KHDRBS2: variants seen among roughly 807,000 people sequenced by gnomAD.
The protein encoded by KHDRBS2 is KH domain-containing, RNA-binding, signal transduction-associated protein 2.
In KHDRBS2, 26 loss-of-function variants were observed where a neutral mutation model predicts 44.3. That is an observed-to-expected ratio of 0.59 (90% CI 0.43 to 0.81). KHDRBS2 has a LOEUF of 0.81. Among genes scored for constraint, KHDRBS2 ranks in the 40% least tolerant of loss-of-function variants. The pLI is 0.00. For missense variants in KHDRBS2, 476 were observed against 433.1 expected, an observed-to-expected ratio of 1.10 and a Z score of -0.88; for synonymous variants, 194 against 151.1, an observed-to-expected ratio of 1.28 and a Z score of -2.08.
At chr6:62,043,584 A>G (rs1026464325) in intron 3 of KHDRBS2, among the ~76,000 whole-genome samples, 12 of 152,050 alleles carry the variant, frequency 7.9e-5, no homozygotes, top group African/African-American at 2.7e-4. Flanking sequence ...AATCATGACT[A>G]TATGGTAGGA....
At chr6:62,109,878 A>T in intron 2 of KHDRBS2, among the ~76,000 whole-genome samples, 1 of 151,902 alleles carries the variant, frequency 6.6e-6, no homozygotes, top group East Asian at 1.9e-4. Flanking sequence ...AAAATTAACT[A>T]AAAATAGATT....
At chr6:62,225,284 G>C (rs1221192998) in intron 1 of KHDRBS2, among the ~76,000 whole-genome samples, 1 of 152,006 alleles carries the variant, frequency 6.6e-6, no homozygotes, top group Non-Finnish European at 1.5e-5. Flanking sequence ...CTTTCTGTCA[G>C]GTTTTCTAGA....
chr6:62,177,884 T>C (rs979378444), intron 1 of KHDRBS2, among the ~76,000 whole-genome samples: 1 of 151,394 alleles, frequency 6.6e-6, no homozygotes, highest in Admixed American at 6.6e-5. Context: ...AATAAGACAT[T>C]ATATAGGTGT....
intron 1 of KHDRBS2, among the ~76,000 whole-genome samples, chr6:62,274,201 G>A (rs950709551): frequency 6.6e-6 from 1 of 151,874 alleles, no homozygotes; most frequent in Non-Finnish European, 1.5e-5. Context: ...CCCTAGATCT[G>A]TCTACTTTTC....
At chr6:62,269,130 G>A (rs1839673846) in intron 1 of KHDRBS2, among the ~76,000 whole-genome samples, 1 of 151,930 alleles carries the variant, frequency 6.6e-6, no homozygotes, top group Non-Finnish European at 1.5e-5. Context: ...ATACTTAAAA[G>A]CTAAAACCAT....
At chr6:61,612,370 G>C in the KHDRBS2 span, among the ~76,000 whole-genome samples, 6 of 152,122 alleles carry the variant, frequency 3.9e-5, no homozygotes, top group Non-Finnish European at 8.8e-5. Context: ...CAATCTTTTT[G>C]GAAGGGAAAG....
rs113163864 is a variant in KHDRBS2, at chr6:62,226,118, C to T, written c.92-48806G>A. Reference sequence around the variant, plus strand: ...GATCATTGAGGAATTTCCACAATGTCTTCCACAATGGTTGAACTAATTTAC... The same window carrying T: ...GATCATTGAGGAATTTCCACAATGTTTTCCACAATGGTTGAACTAATTTAC... On this transcript the variant is annotated intron_variant, in intron 1 of 8. Transcript: ENST00000281156. Among the ~76,000 whole-genome samples the T allele has an allele frequency of 2.2e-3, 330 of 152,286 alleles. 2 individuals are homozygous for T. The highest frequency in any genetic ancestry group is 7.4e-3 in the African/African-American group (307 of 41,550).
intron 3 of KHDRBS2, among the ~76,000 whole-genome samples, chr6:62,045,816 G>T (rs962041954): frequency 4.0e-5 from 6 of 151,548 alleles, no homozygotes; most frequent in African/African-American, 1.2e-4. Context: ...AATTTACCAA[G>T]GATTTATCTT....
the KHDRBS2 span, among the ~76,000 whole-genome samples, chr6:61,643,372 G>A: frequency 6.6e-6 from 1 of 152,048 alleles, no homozygotes; most frequent in Non-Finnish European, 1.5e-5. Context: ...ATGGGCAAAA[G>A]CTGGAAGCAT....
Position 62,072,168 on chromosome 6 carries a change from T to C in KHDRBS2, c.220-24174A>G, listed in dbSNP as rs1475507701. ...GTCTGTTATTGGTGTATAAGAGTGC[T>C]TGTGATTTTTGCACATTGATTTTGT... On this transcript the variant is annotated intron_variant, in intron 2 of 8. Transcript: ENST00000281156. Among the ~76,000 whole-genome samples, 4 of 152,182 alleles carry C rather than the reference T, an allele frequency of 2.6e-5. No homozygotes were observed. The East Asian group carries it at 5.8e-4, about 22-fold the overall frequency.
the KHDRBS2 span, among the ~76,000 whole-genome samples, chr6:61,671,861 TTATACC>T: frequency 2.6e-5 from 4 of 151,938 alleles, no homozygotes; most frequent in Non-Finnish European, 5.9e-5. Context: ...TTTATGATTA[TTATACC>T]TTAAGTTTTA....
intron 1 of KHDRBS2, among the ~76,000 whole-genome samples, chr6:62,213,873 C>CAAA (rs67482871): frequency 4.0e-3 from 166 of 41,538 alleles, no homozygotes; most frequent in East Asian, 5.3e-3. Flanking sequence ...GACTCCATCT[C>CAAA]AAAAAAAAAA....
At chr6:61,815,667 A>C in intron 6 of KHDRBS2, among the ~76,000 whole-genome samples, 1 of 152,156 alleles carries the variant, frequency 6.6e-6, no homozygotes. Flanking sequence ...TCTATCCCTG[A>C]AGTAATTATT....
chr6:61,566,784 C>T, the KHDRBS2 span, among the ~76,000 whole-genome samples: 2 of 152,054 alleles, frequency 1.3e-5, no homozygotes, highest in African/African-American at 2.4e-5. Context: ...GGCCACAGAT[C>T]CAAGGGAAGT....
At chr6:62,081,625 A>T (rs1019416894) in intron 2 of KHDRBS2, among the ~76,000 whole-genome samples, 15 of 152,144 alleles carry the variant, frequency 9.9e-5, no homozygotes, top group African/African-American at 3.6e-4. Context: ...TCCAAAATCA[A>T]CAAAATGTAC....
At chr6:62,156,471 A>G (rs368899459) in intron 2 of KHDRBS2, among the ~76,000 whole-genome samples, 1 of 152,216 alleles carries the variant, frequency 6.6e-6, no homozygotes, top group African/African-American at 2.4e-5. Context: ...AATTAAGTCA[A>G]CCACCATATT....
chr6:61,619,869 C>G, the KHDRBS2 span, among the ~76,000 whole-genome samples: 1 of 152,236 alleles, frequency 6.6e-6, no homozygotes, highest in East Asian at 1.9e-4. Flanking sequence ...GTGAATTGTG[C>G]TTCTATAAAC....
chr6:61,669,127 A>T, the KHDRBS2 span, among the ~76,000 whole-genome samples: 2 of 151,054 alleles, frequency 1.3e-5, no homozygotes, highest in Non-Finnish European at 3.0e-5. Flanking sequence ...AATATACATG[A>T]TGATTAGGGT....
intron 4 of KHDRBS2, among the ~76,000 whole-genome samples, chr6:61,974,733 C>T (rs1772157247): frequency 6.6e-6 from 1 of 151,576 alleles, no homozygotes; most frequent in African/African-American, 2.4e-5. Context: ...GATTTCGAGA[C>T]CAGCCTGACC....
Sources: allele counts gnomAD v4.1 joint callset (sites outside exome capture counted in the v4.1 genomes callset), GRCh38; gene constraint gnomAD v4.1.1; transcripts MANE v1.5; gene names NCBI Gene and HGNC (gene_info 2026-07-23, HGNC 2026-07-21).